RIPOR3: variants seen among roughly 807,000 people sequenced by gnomAD.
RIPOR3 encodes the protein family with sequence similarity 65 member C.
In RIPOR3, 95 loss-of-function variants were observed where a neutral mutation model predicts 114.3. The observed-to-expected ratio is 0.83, with a 90% confidence interval of 0.70 to 0.99. RIPOR3 has a LOEUF of 0.99. Ranked by LOEUF, RIPOR3 falls within the 50% of genes least tolerant of loss-of-function variation. The pLI is 0.00. For synonymous variants in RIPOR3, 575 were observed against 543.8 expected (o/e 1.06, Z -0.80); for missense variants, 1,252 against 1,266.9 (o/e 0.99, Z 0.18).
rs1285143102 is a variant in RIPOR3 at position 50,616,950 on chromosome 20, G to A, written c.270-870C>T. On this transcript the variant is annotated intron_variant, in intron 3 of 21. Coordinates refer to ENST00000327979, the MANE Select transcript of RIPOR3 (RefSeq NM_001290268.2). Reference sequence around the variant, plus strand: ...AAGGTCAGGTAATCGAGACCATCCTGGCTAACACAGTGAAACCCCATCTCT... The same window carrying A: ...AAGGTCAGGTAATCGAGACCATCCTAGCTAACACAGTGAAACCCCATCTCT... Among the ~76,000 whole-genome samples the A allele has an allele frequency of 9.9e-5, 15 of 152,242 alleles. 1 individual carries two copies. In the East Asian group the frequency reaches 2.9e-3, roughly 30 times the overall value.
chr20:50,608,315 A>C, intron 11 of RIPOR3, 74 bp downstream of exon 11: 1 of 1,593,388 alleles, frequency 6.3e-7, no homozygotes, highest in Non-Finnish European at 8.5e-7. Context: ...GCAGGAACCC[A>C]GGGCCAGAGT....
intron 13 of RIPOR3, among the ~76,000 whole-genome samples, chr20:50,598,094 C>T (rs2083363568): frequency 6.6e-6 from 1 of 152,214 alleles, no homozygotes; most frequent in South Asian, 2.1e-4. Flanking sequence ...TCGCCCAGTT[C>T]TAAGAAAACC....
chr20:50,635,365 A>AGGCTCATGCCAGGCGTGGC (rs2084947678), intron 1 of RIPOR3, among the ~76,000 whole-genome samples: 6 of 152,138 alleles, frequency 3.9e-5, no homozygotes, highest in Admixed American at 3.3e-4. Flanking sequence ...AAGGAAACCG[A>AGGCTCATGCCAGGCGTGGC]GGCTCATGCC....
chr20:50,592,306 CT>C, intron 19 of RIPOR3, 37 bp downstream of exon 19: 2 of 1,507,304 alleles, frequency 1.3e-6, no homozygotes, highest in Non-Finnish European at 1.8e-6. Flanking sequence ...GCCCACACAT[CT>C]GTGGCCAGGG....
rs145632159 is a variant in RIPOR3, at chr20:50,657,817, G to A, written c.4-26961C>T. Among the ~76,000 whole-genome samples the A allele has an allele frequency of 2.8e-3, 416 of 148,088 alleles. 3 individuals carry two copies. The highest frequency in any genetic ancestry group is 9.7e-3 in the African/African-American group (387 of 40,050). On this transcript the variant is annotated intron_variant, in intron 1 of 21. Transcript: ENST00000327979. ...TGCCCAGGCTGGAGTGCAGTGATGC[G>A]ATCATACCTCACTACAGCCTTGAAC...
At chr20:50,630,695 G>C (rs1307931529) in intron 2 of RIPOR3, 43 bp downstream of exon 2, 8 of 1,490,034 alleles carry the variant, frequency 5.4e-6, no homozygotes, top group Non-Finnish European at 6.4e-6. Flanking sequence ...CCATTAACAA[G>C]CCCCACCCCT....
intron 1 of RIPOR3, among the ~76,000 whole-genome samples, chr20:50,647,405 C>A (rs1000922697): frequency 6.6e-6 from 1 of 152,034 alleles, no homozygotes; most frequent in Non-Finnish European, 1.5e-5. Flanking sequence ...AGATACACAC[C>A]CACAGACTGA....
chr20:50,673,221 T>C (rs2086580614), intron 1 of RIPOR3, among the ~76,000 whole-genome samples: 1 of 152,122 alleles, frequency 6.6e-6, no homozygotes, highest in African/African-American at 2.4e-5. Flanking sequence ...CAGTTAACAC[T>C]TAGTGAAGAC....
At chr20:50,647,001 A>G (rs1457080215) in intron 1 of RIPOR3, among the ~76,000 whole-genome samples, 1 of 152,144 alleles carries the variant, frequency 6.6e-6, no homozygotes, top group Non-Finnish European at 1.5e-5. Context: ...AAGAAAAAGG[A>G]CAGTACTAAG....
chr20:50,666,181 C>CCTTTTCTTTCTTTTCTTTTCTTTT (rs1600720832), intron 1 of RIPOR3, among the ~76,000 whole-genome samples: 2 of 14,924 alleles, frequency 1.3e-4, no homozygotes, highest in Non-Finnish European at 4.5e-4. Context: ...GAAAGGACAC[C>CCTTTTCTTTCTTTTCTTTTCTTTT]CATTTCTTTT....
intron 1 of RIPOR3, among the ~76,000 whole-genome samples, chr20:50,666,192 C>CTTTTCTTTTCT (rs1555873311): frequency 3.7e-5 from 1 of 26,752 alleles, no homozygotes; most frequent in Middle Eastern, 0.026. Flanking sequence ...CATTTCTTTT[C>CTTTTCTTTTCT]TTTTCTTTTC....
At chr20:50,616,704 C>G (rs1159083365) in intron 3 of RIPOR3, among the ~76,000 whole-genome samples, 3 of 152,148 alleles carry the variant, frequency 2.0e-5, no homozygotes, top group South Asian at 4.1e-4. Flanking sequence ...ACCCCAGCCC[C>G]GGTCACACAG....
chr20:50,590,526 G>A (rs144685059), intron 19 of RIPOR3, among the ~76,000 whole-genome samples: 69 of 152,316 alleles, frequency 4.5e-4, no homozygotes, highest in African/African-American at 1.2e-3. Context: ...GAGAATGGCC[G>A]CCTTTCCATC....
At chr20:50,639,509 G>A (rs1315949071) in intron 1 of RIPOR3, among the ~76,000 whole-genome samples, 1 of 152,122 alleles carries the variant, frequency 6.6e-6, no homozygotes, top group African/African-American at 2.4e-5. Context: ...GGAGGCTGAG[G>A]CTCGAGATGG....
intron 1 of RIPOR3, among the ~76,000 whole-genome samples, chr20:50,667,591 C>T (rs113704370): frequency 0.01 from 1,571 of 152,322 alleles, 34 homozygotes; most frequent in African/African-American, 0.036. Flanking sequence ...CGCGCCCGGC[C>T]GCTGCTTTAA....
intron 1 of RIPOR3, among the ~76,000 whole-genome samples, chr20:50,674,754 C>T (rs186159168): frequency 6.6e-6 from 1 of 150,808 alleles, no homozygotes; most frequent in East Asian, 2.0e-4. Flanking sequence ...CAAGACCAGC[C>T]TGGACAACAT....
intron 1 of RIPOR3, among the ~76,000 whole-genome samples, chr20:50,658,642 T>A (rs1406660718): frequency 6.6e-6 from 1 of 152,100 alleles, no homozygotes; most frequent in African/African-American, 2.4e-5. Context: ...GAGATCAAGG[T>A]TACAGTGAGC....
At chr20:50,589,880 C>T in intron 19 of RIPOR3, 111 bp from the exon 20 acceptor site, 1 of 869,268 alleles carries the variant, frequency 1.2e-6, no homozygotes, top group South Asian at 1.4e-5. Flanking sequence ...GCCCATCTTT[C>T]TCTAAACAAC....
chr20:50,589,290 A>G (rs1040440526), intron 20 of RIPOR3, among the ~76,000 whole-genome samples: 1 of 150,498 alleles, frequency 6.6e-6, no homozygotes, highest in Non-Finnish European at 1.5e-5. Context: ...TTTCTTTTCT[A>G]TCTCTGTATT....
Sources: gnomAD v4.1 joint callset for allele counts (sites outside exome capture counted in the v4.1 genomes callset) on GRCh38, gnomAD v4.1.1 for gene constraint, MANE v1.5 for transcripts, NCBI Gene and HGNC (gene_info 2026-07-23, HGNC 2026-07-21) for gene names.